Variants in TLL1 observed in about 807,000 individuals in gnomAD.
TLL1 encodes the protein tolloid like 1, also known as tolloid-like protein 1.
TLL1 carries 49 observed loss-of-function variants against 128.2 expected under a neutral mutation model. The ratio of observed to expected loss-of-function variants is 0.38; its 90% CI spans 0.30 to 0.48. TLL1 has a LOEUF of 0.48. Among genes scored for constraint, TLL1 ranks in the 20% least tolerant of loss-of-function variants. The pLI, the probability that TLL1 is intolerant of heterozygous loss-of-function variation, is 0.96. For synonymous variants in TLL1, 454 were observed against 418.8 expected, an observed-to-expected ratio of 1.08 and a Z score of -1.03; for missense variants, 1,123 against 1,242.0, an observed-to-expected ratio of 0.90 and a Z score of 1.44.
intron 1 of TLL1, among the ~76,000 whole-genome samples, chr4:165,878,977 G>A: frequency 7.6e-6 from 1 of 132,390 alleles, no homozygotes; most frequent in Admixed American, 9.6e-5. Flanking sequence ...TCTGTCACCA[G>A]GCTGGAGTGC....
chr4:166,090,899 TA>T (rs1741738816), intron 18 of TLL1, among the ~76,000 whole-genome samples: 1 of 152,074 alleles, frequency 6.6e-6, no homozygotes, highest in Admixed American at 6.6e-5. Flanking sequence ...TTGGTTTTAA[TA>T]GCCAAATAGT....
chr4:165,960,291 T>A (rs1735032495), intron 1 of TLL1, among the ~76,000 whole-genome samples: 1 of 151,968 alleles, frequency 6.6e-6, no homozygotes, highest in South Asian at 2.1e-4. Context: ...AACAGACCAA[T>A]AATGAATTGT....
At chr4:166,006,380 A>G (rs1290428164) in intron 6 of TLL1, among the ~76,000 whole-genome samples, 2 of 151,806 alleles carry the variant, frequency 1.3e-5, no homozygotes, top group Non-Finnish European at 2.9e-5. Flanking sequence ...GTTGTGTCAT[A>G]TGCACGTTAA....
At chr4:165,886,947 C>A (rs1731186291) in intron 1 of TLL1, among the ~76,000 whole-genome samples, 1 of 152,000 alleles carries the variant, frequency 6.6e-6, no homozygotes, top group South Asian at 2.1e-4. Context: ...TGGGGCAAAA[C>A]TTTAGAGTCA....
intron 1 of TLL1, among the ~76,000 whole-genome samples, chr4:165,893,012 G>T (rs1181964466): frequency 6.6e-6 from 1 of 152,146 alleles, no homozygotes; most frequent in Admixed American, 6.5e-5. Context: ...ATGTAAGTCA[G>T]CACTGACCAT....
At chr4:165,962,521 G>A (rs1735158403) in intron 1 of TLL1, among the ~76,000 whole-genome samples, 1 of 152,230 alleles carries the variant, frequency 6.6e-6, no homozygotes, top group African/African-American at 2.4e-5. Flanking sequence ...GAGATTTCTC[G>A]AAGAACTGAG....
chr4:166,060,294 G>GTC, intron 15 of TLL1, 106 bp downstream of exon 15: 1 of 1,261,474 alleles, frequency 7.9e-7, no homozygotes, highest in Non-Finnish European at 1.1e-6. Context: ...TATAGACATT[G>GTC]TATTCTTTCT....
chr4:166,001,629 T>C (rs1471485354), intron 5 of TLL1, among the ~76,000 whole-genome samples: 1 of 151,866 alleles, frequency 6.6e-6, no homozygotes, highest in East Asian at 1.9e-4. Flanking sequence ...TGAAACCCCA[T>C]CTCTACTAAA....
chr4:165,912,504 T>TA (rs1191319864), intron 1 of TLL1, among the ~76,000 whole-genome samples: 4 of 152,226 alleles, frequency 2.6e-5, no homozygotes, highest in African/African-American at 9.6e-5. Context: ...AGAAATTTCT[T>TA]AAAATTAAAG....
chr4:165,929,062 C>T (rs1017294799), intron 1 of TLL1, among the ~76,000 whole-genome samples: 6 of 152,102 alleles, frequency 3.9e-5, no homozygotes, highest in South Asian at 2.1e-4. Flanking sequence ...GAGAAGTTGA[C>T]GGCAGAAATA....
At chr4:165,948,721 T>C (rs769272422) in intron 1 of TLL1, among the ~76,000 whole-genome samples, 24 of 152,120 alleles carry the variant, frequency 1.6e-4, no homozygotes, top group Non-Finnish European at 3.2e-4. Flanking sequence ...GAGCTCTTCC[T>C]CTTAAAGTCC....
chr4:165,886,951 A>T (rs1342397110), intron 1 of TLL1, among the ~76,000 whole-genome samples: 1 of 152,172 alleles, frequency 6.6e-6, no homozygotes, highest in Non-Finnish European at 1.5e-5. Context: ...GCAAAACTTT[A>T]GAGTCAAATA....
rs552605746 is a variant in TLL1 at position 166,030,815 on chromosome 4, A to G, written c.1158+5384A>G. The G allele has an allele frequency of 1.2e-5, 12 of 1,031,412 alleles. No individual in the cohort carries two copies. In the South Asian group the frequency reaches 3.2e-4, roughly 28 times the overall value. 63.9% of individuals were successfully genotyped at this position (1,031,412 alleles called of 1,614,324 possible). ...TATTTTGGTCCTGCCTATAGCTTAC[A>G]TTATAGATTATTTTTTAAATTAGCG... On this transcript the variant is annotated intron_variant, in intron 9 of 20. Transcript: ENST00000061240.
In TLL1 at chr4:165,965,916, C is replaced by A. The variant is rs142350820; in HGVS notation, c.170-23465C>A. 6.9e-3 allele frequency among the ~76,000 whole-genome samples: 1,045 copies of A among 152,204 alleles called. 10 individuals are homozygous for A. The highest frequency in any genetic ancestry group is 0.024 in the African/African-American group (980 of 41,512). ...AAGGACTAGACCGGGTGCAGTGGCTCACACTTGTAATCCCAGCACTTTGGG... is the reference window on the plus strand; with the variant it reads ...AAGGACTAGACCGGGTGCAGTGGCTAACACTTGTAATCCCAGCACTTTGGG... On this transcript the variant is annotated intron_variant, in intron 1 of 20. Coordinates refer to ENST00000061240, the MANE Select transcript of TLL1 (RefSeq NM_012464.5).
intron 18 of TLL1, among the ~76,000 whole-genome samples, chr4:166,085,459 C>T (rs1414633974): frequency 7.3e-6 from 1 of 136,832 alleles, no homozygotes; most frequent in Admixed American, 7.2e-5. Flanking sequence ...TCTTTATATG[C>T]CTAATTTGTT....
intron 19 of TLL1, among the ~76,000 whole-genome samples, chr4:166,095,796 C>G (rs979710679): frequency 8.6e-5 from 13 of 152,018 alleles, no homozygotes; most frequent in African/African-American, 2.7e-4. Context: ...TTTTCCATTT[C>G]TCAGAATTCT....
At position 165,994,376 on chromosome 4, in the gene TLL1, T is replaced by C. The variant is rs767774281; in HGVS notation, c.362-5T>C. ...TTTCACAGAATGTTTTAAATGTCAC[T>C]GCAGGCTTGGAGCAAAACAACACAG... On this transcript the variant is annotated splice_region_variant and splice_polypyrimidine_tract_variant and intron_variant, in intron 3 of 20. Coordinates refer to ENST00000061240, the MANE Select transcript of TLL1 (RefSeq NM_012464.5). 1 of 1,614,000 alleles carries C rather than the reference T, an allele frequency of 6.2e-7. No individual in the cohort carries two copies. The highest frequency in any genetic ancestry group is 1.1e-5 in the South Asian group (1 of 91,080).
chr4:166,093,218 G>C (rs1454257878), intron 19 of TLL1, among the ~76,000 whole-genome samples: 1 of 152,104 alleles, frequency 6.6e-6, no homozygotes, highest in Admixed American at 6.6e-5. Flanking sequence ...CACTGGCACT[G>C]GTCTCTGAGT....
intron 1 of TLL1, among the ~76,000 whole-genome samples, chr4:165,967,677 T>A (rs184974993): frequency 2.0e-5 from 3 of 152,212 alleles, no homozygotes; most frequent in Admixed American, 2.0e-4. Context: ...TACTAATTAG[T>A]TCAGCTCAGA....
Sources: allele counts gnomAD v4.1 joint callset (sites outside exome capture counted in the v4.1 genomes callset), GRCh38; gene constraint gnomAD v4.1.1; transcripts MANE v1.5; gene names NCBI Gene and HGNC (gene_info 2026-07-23, HGNC 2026-07-21).